Variants in MTA3 observed in about 807,000 individuals in gnomAD.
The protein encoded by MTA3 is metastasis-associated protein MTA3.
MTA3 carries 34 observed loss-of-function variants against 83.5 expected under a neutral mutation model. That is an observed-to-expected ratio of 0.41 (90% CI 0.31 to 0.54). MTA3 has a LOEUF of 0.54. Ranked by LOEUF, MTA3 falls within the 20% of genes least tolerant of loss-of-function variation. The pLI is 0.33. For missense variants in MTA3, 761 were observed against 726.4 expected (o/e 1.05, Z -0.55); for synonymous variants, 303 against 252.7 (o/e 1.20, Z -1.89).
intron 2 of MTA3, among the ~76,000 whole-genome samples, chr2:42,571,529 A>C (rs1678478400): frequency 4.6e-5 from 7 of 152,206 alleles, no homozygotes; most frequent in Admixed American, 4.6e-4. Context: ...CTGAAAGAGC[A>C]GTTCACTTAT....
intron 8 of MTA3, among the ~76,000 whole-genome samples, chr2:42,667,596 G>GTT (rs1553379132): frequency 4.2e-4 from 53 of 127,582 alleles, no homozygotes; most frequent in Middle Eastern, 4.0e-3. Context: ...GTGTGTGTGT[G>GTT]TGTGTGTGTG....
rs1375888408 is a variant in MTA3 at position 42,570,364 on chromosome 2, A to AT, written c.29-72dup. Reference sequence around the variant, plus strand: ...TAATTTCAAACGTGAAATGCCTAACATAAAAAGTCTTGGATTGACAAATCT... The same window carrying AT: ...TAATTTCAAACGTGAAATGCCTAACATTAAAAAGTCTTGGATTGACAAATCT... On this transcript the variant is annotated intron_variant, in intron 1 of 16. Coordinates refer to ENST00000405094, the MANE Select transcript of MTA3 (RefSeq NM_001330442.2). The AT allele has an allele frequency of 4.2e-6, 4 of 944,386 alleles. No individual in the cohort carries two copies. In the East Asian group the frequency reaches 1.1e-4, roughly 25 times the overall value. The allele number at this position is 944,386 out of a possible 1,614,324, so 58.5% of individuals were successfully genotyped here.
intron 4 of MTA3, among the ~76,000 whole-genome samples, chr2:42,622,998 A>G (rs1281338830): frequency 6.6e-6 from 1 of 152,256 alleles, no homozygotes; most frequent in Non-Finnish European, 1.5e-5. Context: ...GAGATTCACA[A>G]GTATAATACA....
intron 8 of MTA3, among the ~76,000 whole-genome samples, chr2:42,679,272 C>A (rs944902736): frequency 6.6e-6 from 1 of 152,206 alleles, no homozygotes; most frequent in Non-Finnish European, 1.5e-5. Context: ...CACTCCCCTT[C>A]TCATCCCAAC....
chr2:42,608,538 T>A (rs1342716427), intron 3 of MTA3, among the ~76,000 whole-genome samples: 1 of 152,218 alleles, frequency 6.6e-6, no homozygotes, highest in Non-Finnish European at 1.5e-5. Context: ...TTCATTACCC[T>A]CATGCTATTC....
chr2:42,501,530 T>G (rs970852829), intron 2 of MTA3, among the ~76,000 whole-genome samples: 6 of 152,230 alleles, frequency 3.9e-5, no homozygotes, highest in Non-Finnish European at 5.9e-5. Context: ...TTCATTAAAC[T>G]TAACATTTAG....
intron 8 of MTA3, among the ~76,000 whole-genome samples, chr2:42,665,846 T>A (rs1690186825): frequency 1.3e-5 from 2 of 152,208 alleles, no homozygotes; most frequent in Admixed American, 6.5e-5. Context: ...ATTTAATTGG[T>A]GACATAATCA....
chr2:42,699,467 C>T (rs2104481015), intron 11 of MTA3, among the ~76,000 whole-genome samples: 1 of 152,232 alleles, frequency 6.6e-6, no homozygotes, highest in South Asian at 2.1e-4. Context: ...GTCAGATTAG[C>T]ACTTTAAGAT....
intron 8 of MTA3, among the ~76,000 whole-genome samples, chr2:42,664,432 A>G (rs1284574660): frequency 1.3e-5 from 1 of 79,974 alleles, no homozygotes; most frequent in African/African-American, 4.9e-5. Flanking sequence ...TTCTTTGAGT[A>G]TTTATGGTCC....
intron 4 of MTA3, among the ~76,000 whole-genome samples, chr2:42,636,626 CTTTTT>C (rs869057645): frequency 7.7e-6 from 1 of 130,080 alleles, no homozygotes. Context: ...CTCTTTCTTT[CTTTTT>C]TTTTTTTTTT....
At chr2:42,668,650 C>T in intron 8 of MTA3, among the ~76,000 whole-genome samples, 1 of 152,094 alleles carries the variant, frequency 6.6e-6, no homozygotes, top group East Asian at 1.9e-4. Flanking sequence ...ATTTTATAGC[C>T]TTATTGATTG....
intron 3 of MTA3, among the ~76,000 whole-genome samples, chr2:42,584,935 ATT>A (rs879751312): frequency 4.2e-5 from 6 of 142,454 alleles, no homozygotes; most frequent in Non-Finnish European, 4.6e-5. Context: ...AAGCCATAAG[ATT>A]TTTTTTTTTT....
intron 2 of MTA3, among the ~76,000 whole-genome samples, chr2:42,496,387 G>A (rs1262964809): frequency 2.0e-5 from 3 of 152,116 alleles, no homozygotes; most frequent in African/African-American, 7.2e-5. Flanking sequence ...AGAAATGATA[G>A]GCTTGTCTCA....
chr2:42,517,842 G>A (rs1373123073), intron 2 of MTA3, among the ~76,000 whole-genome samples: 1 of 139,942 alleles, frequency 7.1e-6, no homozygotes, highest in Non-Finnish European at 1.5e-5. Context: ...TCATGCCACT[G>A]CACTCCAGTG....
intron 5 of MTA3, among the ~76,000 whole-genome samples, chr2:42,642,591 A>G (rs961830397): frequency 2.6e-5 from 4 of 152,088 alleles, no homozygotes; most frequent in African/African-American, 4.8e-5. Context: ...AAAACAAAAA[A>G]ATCAAACAAT....
At chr2:42,649,766 G>C (rs1688537455) in intron 6 of MTA3, among the ~76,000 whole-genome samples, 1 of 152,174 alleles carries the variant, frequency 6.6e-6, no homozygotes, top group Non-Finnish European at 1.5e-5. Flanking sequence ...CAGATGAAGA[G>C]ACTCTGAAGA....
chr2:42,623,422 C>T (rs775094362), intron 4 of MTA3, among the ~76,000 whole-genome samples: 1 of 152,158 alleles, frequency 6.6e-6, no homozygotes, highest in Non-Finnish European at 1.5e-5. Flanking sequence ...ACATAAGTTC[C>T]CTGAATAAAG....
At chr2:42,639,645 A>G (rs749026691) in intron 4 of MTA3, among the ~76,000 whole-genome samples, 2 of 152,162 alleles carry the variant, frequency 1.3e-5, no homozygotes, top group Non-Finnish European at 2.9e-5. Context: ...AATTTTAACT[A>G]GTTTTTAGAG....
At chr2:42,526,559 A>T (rs1321227497) in intron 2 of MTA3, among the ~76,000 whole-genome samples, 1 of 152,170 alleles carries the variant, frequency 6.6e-6, no homozygotes, top group Non-Finnish European at 1.5e-5. Flanking sequence ...ACCCTGGCAG[A>T]CGGCTTGTGA....
Sources: allele counts gnomAD v4.1 joint callset (sites outside exome capture counted in the v4.1 genomes callset), GRCh38; gene constraint gnomAD v4.1.1; transcripts MANE v1.5; gene names NCBI Gene and HGNC (gene_info 2026-07-23, HGNC 2026-07-21).